The following WARS2 variants were observed in gnomAD, a reference collection of about 807,000 sequenced individuals.
WARS2 encodes tryptophanyl tRNA synthetase 2, mitochondrial.
In WARS2, 28 loss-of-function variants were observed where a neutral mutation model predicts 36.5. The ratio of observed to expected loss-of-function variants is 0.77; its 90% CI spans 0.57 to 1.05. The LOEUF (loss-of-function observed/expected upper bound fraction) is 1.05. WARS2 is among the 50% of genes least tolerant of loss of function. The pLI is 0.00. For synonymous variants in WARS2, 174 were observed against 178.4 expected (o/e 0.98, Z 0.20); for missense variants, 435 against 456.8 (o/e 0.95, Z 0.44).
At chr1:119,093,853 T>A (rs1358716905) in intron 1 of WARS2, among the ~76,000 whole-genome samples, 1 of 152,204 alleles carries the variant, frequency 6.6e-6, no homozygotes, top group Non-Finnish European at 1.5e-5. Flanking sequence ...ATCTGTAATC[T>A]GGTTACTATT....
intron 1 of WARS2, among the ~76,000 whole-genome samples, chr1:119,103,068 G>C (rs1366793073): frequency 2.6e-5 from 4 of 152,172 alleles, no homozygotes; most frequent in Non-Finnish European, 2.9e-5. Context: ...TCACGGAAAA[G>C]AGAACAAGAG....
intron 2 of WARS2, among the ~76,000 whole-genome samples, chr1:119,055,656 A>G (rs911229750): frequency 3.3e-5 from 5 of 151,872 alleles, no homozygotes; most frequent in African/African-American, 1.2e-4. Context: ...AGAAAAAACA[A>G]ACAAACAAAA....
chr1:119,068,508 C>A (rs1192036827), intron 2 of WARS2, among the ~76,000 whole-genome samples: 2 of 152,142 alleles, frequency 1.3e-5, no homozygotes, highest in Non-Finnish European at 2.9e-5. Flanking sequence ...CCCCTTTCCT[C>A]CCTCAACTTT....
At chr1:119,045,433 A>G (rs562815350) in intron 3 of WARS2, 149 bp downstream of exon 3, 1 of 644,952 alleles carries the variant, frequency 1.6e-6, no homozygotes, top group Admixed American at 2.9e-5. Context: ...TTTTCCTTTT[A>G]ATACCCTGAA....
In WARS2 at chr1:119,033,265, G is replaced by A; in HGVS notation, c.729C>T (p.Ser243=). 1 of 1,614,238 alleles carries A rather than the reference G, an allele frequency of 6.2e-7. No individual in the cohort carries two copies. The highest frequency in any genetic ancestry group is 8.5e-7 in the Non-Finnish European group (1 of 1,180,050). ...DKLATVRITD[S]PEEIVQKFRK... Reference sequence around the variant, plus strand: ...GGAATTTCTGCACTATCTCCTCTGGGCTGTCTGTTATTCGGACGGTGGCCA... The same window carrying A: ...GGAATTTCTGCACTATCTCCTCTGGACTGTCTGTTATTCGGACGGTGGCCA... The change falls in exon 6 of 6, where the codon AGC becomes AGT. Residue 243 remains serine, a synonymous_variant. Coordinates refer to ENST00000235521, the MANE Select transcript of WARS2 (RefSeq NM_015836.4).
intron 2 of WARS2, among the ~76,000 whole-genome samples, chr1:119,065,692 C>CA (rs1222576374): frequency 6.7e-6 from 1 of 148,774 alleles, no homozygotes; most frequent in East Asian, 2.0e-4. Flanking sequence ...CTCACAAAAT[C>CA]AAAAGTATAT....
chr1:119,134,121 C>T (rs1656297189), intron 1 of WARS2, among the ~76,000 whole-genome samples: 1 of 151,570 alleles, frequency 6.6e-6, no homozygotes, highest in African/African-American at 2.4e-5. Context: ...AGCAACCTAA[C>T]CAAGGTCATT....
At chr1:119,117,665 C>G (rs768974537) in intron 1 of WARS2, among the ~76,000 whole-genome samples, 1 of 152,184 alleles carries the variant, frequency 6.6e-6, no homozygotes, top group Non-Finnish European at 1.5e-5. Flanking sequence ...AAACTACAAC[C>G]GAGGACTTCC....
chr1:119,054,418 A>G (rs1022565886), intron 2 of WARS2, among the ~76,000 whole-genome samples: 1 of 152,156 alleles, frequency 6.6e-6, no homozygotes, highest in African/African-American at 2.4e-5. Flanking sequence ...TGTGGTGAGG[A>G]TATGGAGTAA....
chr1:119,085,868 G>A lies in WARS2; in HGVS notation c.91-9261C>T. On this transcript the variant is annotated intron_variant, in intron 1 of 5. Transcript: ENST00000235521. ...TCCAGGCACTGTCCTTGTACTCGGA[G>A]TGCCAGGACACCTTATCGGCCACCC... 7 of 1,610,472 alleles carry A rather than the reference G, an allele frequency of 4.3e-6. No homozygotes were observed. The South Asian group carries it at 4.4e-5, about 10-fold the overall frequency.
chr1:119,060,655 G>A (rs183644207), intron 2 of WARS2, among the ~76,000 whole-genome samples: 9 of 152,254 alleles, frequency 5.9e-5, no homozygotes, highest in Non-Finnish European at 8.8e-5. Flanking sequence ...GAGAACAATC[G>A]AAAGCAGGCA....
chr1:119,083,206 G>A (rs1462736703), intron 1 of WARS2, among the ~76,000 whole-genome samples: 1 of 152,148 alleles, frequency 6.6e-6, no homozygotes, highest in African/African-American at 2.4e-5. Context: ...TCCAGCCTGG[G>A]TGACAGAGCG....
At chr1:119,108,873 G>A (rs587693080) in intron 1 of WARS2, among the ~76,000 whole-genome samples, 2 of 151,866 alleles carry the variant, frequency 1.3e-5, no homozygotes, top group African/African-American at 4.8e-5. Flanking sequence ...TTCCCTCTAA[G>A]CACTGCTTTC....
intron 4 of WARS2, among the ~76,000 whole-genome samples, chr1:119,036,086 C>G (rs971132869): frequency 1.3e-5 from 2 of 152,244 alleles, no homozygotes; most frequent in African/African-American, 4.8e-5. Context: ...TGCCTGTAAT[C>G]CCAGGTACTC....
intron 2 of WARS2, among the ~76,000 whole-genome samples, chr1:119,065,979 C>G (rs1029529655): frequency 1.1e-4 from 16 of 152,034 alleles, no homozygotes; most frequent in Non-Finnish European, 1.8e-4. Context: ...ATCTACATAA[C>G]TCAGTCTTAA....
At chr1:119,093,353 C>T (rs1171229616) in intron 1 of WARS2, among the ~76,000 whole-genome samples, 1 of 151,518 alleles carries the variant, frequency 6.6e-6, no homozygotes, top group Non-Finnish European at 1.5e-5. Flanking sequence ...TAGTGTACTT[C>T]CATTGCTTGG....
intron 1 of WARS2, among the ~76,000 whole-genome samples, chr1:119,096,194 A>G (rs1219574835): frequency 6.6e-6 from 1 of 152,232 alleles, no homozygotes; most frequent in African/African-American, 2.4e-5. Context: ...TTAGCTTATA[A>G]TGTATTGTTT....
chr1:119,082,372 A>C, intron 1 of WARS2: 1 of 985,400 alleles, frequency 1.0e-6, no homozygotes, highest in Non-Finnish European at 1.2e-6. Context: ...ATGCTTTTGC[A>C]CATGTATTTT....
intron 1 of WARS2, among the ~76,000 whole-genome samples, chr1:119,109,482 T>C (rs1374937792): frequency 1.3e-5 from 2 of 152,034 alleles, no homozygotes; most frequent in African/African-American, 4.8e-5. Context: ...ACATTCAGTC[T>C]GTTCCGTCTG....
Sources: gnomAD v4.1 joint callset for allele counts (sites outside exome capture counted in the v4.1 genomes callset) on GRCh38, gnomAD v4.1.1 for gene constraint, MANE v1.5 for transcripts, NCBI Gene and HGNC (gene_info 2026-07-23, HGNC 2026-07-21) for gene names.